Variants in ASIP observed in about 807,000 individuals in gnomAD.
ASIP encodes the protein agouti signaling protein.
In ASIP, 11 loss-of-function variants were observed where a neutral mutation model predicts 10.3. The observed-to-expected ratio is 1.07, with a 90% CI of 0.68 to 1.78. The LOEUF (loss-of-function observed/expected upper bound fraction) is 1.78. Ranked by LOEUF, ASIP falls within the 40% of genes most tolerant of loss-of-function variation. ASIP has a pLI of 0.00. For missense variants in ASIP, 180 were observed against 169.2 expected (o/e 1.06, Z -0.35); for synonymous variants, 70 against 70.8 (o/e 0.99, Z 0.06).
chr20:34,201,021 T>C (rs4911150), intron 1 of ASIP, among the ~76,000 whole-genome samples: 9,524 of 59,124 alleles, frequency 0.16, 354 homozygotes, highest in East Asian at 0.24. Context: ...TCCTTCCTTC[T>C]TTCTTTCTTT....
At chr20:34,251,525 C>G (rs750277353) in intron 1 of ASIP, among the ~76,000 whole-genome samples, 1 of 152,122 alleles carries the variant, frequency 6.6e-6, no homozygotes, top group Non-Finnish European at 1.5e-5. Flanking sequence ...CCGTCCGCCT[C>G]GGCCTCCCAA....
At chr20:34,245,333 C>CA (rs1257990215) in intron 1 of ASIP, among the ~76,000 whole-genome samples, 1,949 of 63,404 alleles carry the variant, frequency 0.031, 43 homozygotes, top group African/African-American at 0.075. Flanking sequence ...GACTCTGTCT[C>CA]AAAAAAAAAA....
intron 1 of ASIP, among the ~76,000 whole-genome samples, chr20:34,206,887 T>A (rs1010608502): frequency 8.5e-5 from 13 of 152,254 alleles, no homozygotes; most frequent in Non-Finnish European, 1.6e-4. Flanking sequence ...CCACGTTTTT[T>A]AAATCCATTC....
At chr20:34,209,980 A>C (rs950447904) in intron 1 of ASIP, among the ~76,000 whole-genome samples, 1 of 152,150 alleles carries the variant, frequency 6.6e-6, no homozygotes, top group African/African-American at 2.4e-5. Context: ...GGCCCATAAG[A>C]GCCCCCAATT....
chr20:34,200,958 TTC>T lies in ASIP; in HGVS notation c.-11+6200_-11+6201del, dbSNP rs1184037439. Among the ~76,000 whole-genome samples the T allele has an allele frequency of 1.2e-4, 13 of 104,258 alleles. No homozygotes were observed. The African/African-American group carries it at 1.4e-3, about 11-fold the overall frequency. 68.4% of individuals were successfully genotyped at this position (104,258 alleles called of 152,430 possible). A position where few individuals can be genotyped will look rare whatever the true frequency, so the allele number is the denominator to read the frequency against. On this transcript the variant is annotated intron_variant, in intron 1 of 3. Transcript: ENST00000568305. The stretch of plus-strand genomic sequence containing the variant: ...GTGTTTCAAACTTGATTTTCTTTCT[TTC>T]TTTCTTTCTTTCCTTCCTTCCTTCC...
chr20:34,211,640 C>T (rs1443716025), intron 1 of ASIP, among the ~76,000 whole-genome samples: 3 of 152,130 alleles, frequency 2.0e-5, no homozygotes, highest in African/African-American at 4.8e-5. Context: ...TTTATTTCCA[C>T]CTTCATTTAC....
intron 1 of ASIP, among the ~76,000 whole-genome samples, chr20:34,223,138 G>T (rs1339380044): frequency 1.3e-5 from 2 of 151,928 alleles, no homozygotes; most frequent in Non-Finnish European, 2.9e-5. Context: ...AGTCTGGAAA[G>T]TGAGGAGCGT....
intron 1 of ASIP, among the ~76,000 whole-genome samples, chr20:34,232,822 A>C (rs1274463374): frequency 6.6e-6 from 1 of 152,234 alleles, no homozygotes; most frequent in Non-Finnish European, 1.5e-5. Flanking sequence ...TTTTAATAGC[A>C]CATGGACTGG....
intron 1 of ASIP, chr20:34,213,598 T>C (rs2034988661): frequency 2.6e-6 from 4 of 1,564,956 alleles, no homozygotes; most frequent in African/African-American, 1.4e-5. Context: ...CGGGGATACT[T>C]GTACCTTGAA....
chr20:34,213,130 C>T (rs2122551059), intron 1 of ASIP, among the ~76,000 whole-genome samples: 1 of 152,302 alleles, frequency 6.6e-6, no homozygotes, highest in South Asian at 2.1e-4. Flanking sequence ...CCTAATGCTG[C>T]TATCATTATT....
Position 34,260,794 on chromosome 20 carries a change from A to C in ASIP, c.160+260A>C, listed in dbSNP as rs141664674. The stretch of plus-strand genomic sequence containing the variant: ...TTAAGACACTTGGTGAACTTTGTTT[A>C]ATTTAGCATTTCTGAAACTTAATGA... On this transcript the variant is annotated intron_variant, in intron 2 of 3. Transcript: ENST00000374954. 6.3e-3 allele frequency among the ~76,000 whole-genome samples: 960 copies of C among 152,302 alleles called. 10 individuals carry two copies. Among genetic ancestry groups the C allele is most frequent in the African/African-American group, 0.022 (917 of 41,550 alleles).
At chr20:34,209,351 G>A (rs973044316) in intron 1 of ASIP, among the ~76,000 whole-genome samples, 3 of 152,326 alleles carry the variant, frequency 2.0e-5, no homozygotes, top group Non-Finnish European at 2.9e-5. Context: ...CTACCCTCAC[G>A]GGTGCAGCTA....
At chr20:34,203,044 A>G (rs1390423040) in intron 1 of ASIP, among the ~76,000 whole-genome samples, 1 of 151,722 alleles carries the variant, frequency 6.6e-6, no homozygotes. Context: ...TCCTGACCTC[A>G]TGATCTGCCT....
intron 1 of ASIP, among the ~76,000 whole-genome samples, chr20:34,248,079 G>A (rs1601597221): frequency 1.3e-5 from 2 of 152,036 alleles, no homozygotes; most frequent in Non-Finnish European, 2.9e-5. Flanking sequence ...GGTGATGGGC[G>A]CCTGTAATCC....
chr20:34,212,764 T>C (rs1314207633), intron 1 of ASIP, among the ~76,000 whole-genome samples: 3 of 152,214 alleles, frequency 2.0e-5, no homozygotes, highest in Admixed American at 1.3e-4. Context: ...CACCTGCCCT[T>C]GTTAATTTTG....
At chr20:34,202,198 C>A (rs1394288607) in intron 1 of ASIP, among the ~76,000 whole-genome samples, 1 of 152,048 alleles carries the variant, frequency 6.6e-6, no homozygotes. Context: ...TCCACTTGAA[C>A]TTTCTGCAAT....
chr20:34,262,424 G>A (rs1410003554), intron 2 of ASIP, among the ~76,000 whole-genome samples: 1 of 152,120 alleles, frequency 6.6e-6, no homozygotes, highest in Non-Finnish European at 1.5e-5. Context: ...GGAAACACAG[G>A]TGCATCTGTG....
At chr20:34,241,632 TAAG>T (rs1483859218) in intron 1 of ASIP, 143 bp downstream of exon 1, 2 of 690,030 alleles carry the variant, frequency 2.9e-6, no homozygotes, top group East Asian at 2.7e-4. Context: ...TCAGAGTAGT[TAAG>T]AGGAGTTCAG....
At position 34,264,055 on chromosome 20, in the gene ASIP, GA is replaced by G. The variant is rs566760726; in HGVS notation, c.222+1170del. Among the ~76,000 whole-genome samples the G allele has an allele frequency of 4.6e-5, 7 of 151,328 alleles. 1 individual carries two copies. In the South Asian group the frequency reaches 6.3e-4, roughly 14 times the overall value. ...TGTTACCTAGAAATATTTAAAAAAT[GA>G]AAAAAAAGTATGTCATTAATGCATA... On this transcript the variant is annotated intron_variant, in intron 3 of 3. Coordinates refer to ENST00000374954, the MANE Select transcript of ASIP (RefSeq NM_001672.3).
Sources: allele counts gnomAD v4.1 joint callset (sites outside exome capture counted in the v4.1 genomes callset), GRCh38; gene constraint gnomAD v4.1.1; transcripts MANE v1.5; gene names NCBI Gene and HGNC (gene_info 2026-07-23, HGNC 2026-07-21).